The following EFTUD2 variants were observed in gnomAD, a reference collection of about 807,000 sequenced individuals.
The protein encoded by EFTUD2 is elongation factor Tu GTP binding domain containing 2.
Under a neutral mutation model 114.3 loss-of-function variants are expected in EFTUD2, and 9 were observed. The observed-to-expected ratio is 0.08, with a 90% CI of 0.05 to 0.14. EFTUD2 has a LOEUF of 0.14. Ranked by LOEUF, EFTUD2 falls within the 10% of genes least tolerant of loss-of-function variation. The pLI is 1.00. For synonymous variants in EFTUD2, 449 were observed against 462.3 expected (o/e 0.97, Z 0.37); for missense variants, 765 against 1,241.2 (o/e 0.62, Z 5.76).
chr17:44,867,773 A>G (rs748533251), intron 13 of EFTUD2, 34 bp downstream of exon 13: 19 of 1,500,642 alleles, frequency 1.3e-5, no homozygotes, highest in African/African-American at 5.6e-5. Context: ...TGCTTATAAG[A>G]GCAGATCTGC....
chr17:44,892,622 C>G (rs1208249543), intron 2 of EFTUD2, among the ~76,000 whole-genome samples: 1 of 148,150 alleles, frequency 6.7e-6, no homozygotes, highest in East Asian at 2.0e-4. Context: ...GAAAAACACA[C>G]TGTAAAACCT....
intron 20 of EFTUD2, among the ~76,000 whole-genome samples, chr17:44,855,430 G>A (rs1173634542): frequency 6.6e-6 from 1 of 151,606 alleles, no homozygotes; most frequent in Non-Finnish European, 1.5e-5. Flanking sequence ...GCGTGGTGGC[G>A]TGCGCTGGCA....
intron 4 of EFTUD2, among the ~76,000 whole-genome samples, chr17:44,884,604 A>T (rs1416197751): frequency 6.6e-6 from 1 of 151,958 alleles, no homozygotes; most frequent in Non-Finnish European, 1.5e-5. Flanking sequence ...CAAAATAAAG[A>T]GTTGAGGGCC....
rs2050440340 is a variant in EFTUD2, at chr17:44,851,158, C to G, written c.*116G>C. The G allele has an allele frequency of 1.2e-6, 1 of 836,906 alleles. No homozygotes were observed. Among genetic ancestry groups the G allele is most frequent in the Non-Finnish European group, 2.0e-6 (1 of 498,702 alleles). The allele number at this position is 836,906 out of a possible 1,614,324, so 51.8% of individuals were successfully genotyped here. ...GTTGGTGAGTTGTTCAAGATGGCAA[C>G]AGCAGCTTCCAGACACTCTCTGACA... On this transcript the variant is annotated 3_prime_UTR_variant, in exon 28 of 28. Transcript: ENST00000426333.
intron 1 of EFTUD2, 83 bp from the exon 2 acceptor site, chr17:44,894,608 CT>C: frequency 9.5e-7 from 1 of 1,057,872 alleles, no homozygotes; most frequent in Non-Finnish European, 1.5e-6. Context: ...TAGTCTTAGT[CT>C]TATGGTTGGC....
chr17:44,851,095 G>A lies in EFTUD2; in HGVS notation c.*179C>T, dbSNP rs2050439595. On this transcript the variant is annotated 3_prime_UTR_variant, in exon 28 of 28. Transcript: ENST00000426333. ...CAGAGGCCACAGAAGGAAGCAGGAG[G>A]CCAAATGCTCCTCTCTCACTGGGGC... is the stretch of plus-strand genomic sequence containing the variant. 1.7e-6 allele frequency: 1 copy of A among 587,048 alleles called. No individual in the cohort carries two copies. The highest frequency in any genetic ancestry group is 2.8e-5 in the East Asian group (1 of 35,548). The allele number at this position is 587,048 out of a possible 1,614,324, so 36.4% of individuals were successfully genotyped here.
At chr17:44,883,072 C>T in intron 6 of EFTUD2, 21 bp downstream of exon 6, 1 of 1,613,582 alleles carries the variant, frequency 6.2e-7, no homozygotes, top group South Asian at 1.1e-5. Flanking sequence ...ATCCTAAACC[C>T]TCAACAGAAG....
chr17:44,851,461 G>T, intron 27 of EFTUD2, 92 bp from the exon 28 acceptor site: 2 of 1,102,456 alleles, frequency 1.8e-6, no homozygotes, highest in Non-Finnish European at 1.4e-6. Flanking sequence ...GGGGAGGCTA[G>T]TGGTGGCTGG....
chr17:44,860,386 A>G (rs1383628393), intron 17 of EFTUD2, 46 bp downstream of exon 17: 1 of 1,324,676 alleles, frequency 7.5e-7, no homozygotes, highest in South Asian at 1.2e-5. Flanking sequence ...TGTCCCTGGG[A>G]CCATCTAGCT....
rs752850364 is a variant in EFTUD2, at chr17:44,867,878, C to G, written c.1078G>C (p.Ala360Pro). 6.2e-7 allele frequency: 1 copy of G among 1,601,286 alleles called. No homozygotes were observed. Among genetic ancestry groups the G allele is most frequent in the South Asian group, 1.1e-5 (1 of 88,520 alleles). Residue 360 changes from alanine to proline, a missense_variant, in exon 13 of 28, where the codon GCC becomes CCC. Ala to Pro is a conservative substitution (Grantham distance 27). Transcript: ENST00000426333. ...CTTCTCTGGGAGCTGCTAGTTGGGG[C>G]CTTTTTGGTGAACTTTCGCCTAAAA... ...NPKTRKFTKKAPTSSSQRSFV... is the reference protein window; with the variant it reads ...NPKTRKFTKKPPTSSSQRSFV...
chr17:44,870,430 G>C (rs1333818562), intron 11 of EFTUD2, among the ~76,000 whole-genome samples: 1 of 152,040 alleles, frequency 6.6e-6, no homozygotes, highest in Non-Finnish European at 1.5e-5. Flanking sequence ...CTAATAACAA[G>C]AAAATGGTCA....
chr17:44,881,758 G>A, intron 6 of EFTUD2, 36 bp from the exon 7 acceptor site: 1 of 1,607,250 alleles, frequency 6.2e-7, no homozygotes, highest in Non-Finnish European at 8.5e-7. Context: ...CACCTGAGTT[G>A]AGACTGCTCT....
At position 44,856,769 on chromosome 17, in the gene EFTUD2, A is replaced by C. The variant is rs962574917; in HGVS notation, c.2045+306T>G. On this transcript the variant is annotated intron_variant, in intron 20 of 27. Coordinates refer to ENST00000426333, the MANE Select transcript of EFTUD2 (RefSeq NM_004247.4). ...ACTCCAGCCTGTGTCAAAAAAAAAA[A>C]AAACAAAAAAACAAAAAGTGAGTAA... is the stretch of plus-strand genomic sequence containing the variant. Among the ~76,000 whole-genome samples, 8 of 151,840 alleles carry C rather than the reference A, an allele frequency of 5.3e-5. No individual in the cohort carries two copies. The South Asian group carries it at 6.2e-4, about 12-fold the overall frequency.
At chr17:44,869,574 C>G (rs928291060) in intron 11 of EFTUD2, among the ~76,000 whole-genome samples, 1 of 152,172 alleles carries the variant, frequency 6.6e-6, no homozygotes, top group African/African-American at 2.4e-5. Flanking sequence ...GCTCGGATTA[C>G]AGGCATGAGC....
intron 23 of EFTUD2, 87 bp from the exon 24 acceptor site, chr17:44,853,722 C>T (rs1375766301): frequency 1.3e-6 from 2 of 1,579,748 alleles, no homozygotes; most frequent in Admixed American, 3.5e-5. Flanking sequence ...TGCAACACTG[C>T]AGCTGTCTTG....
intron 16 of EFTUD2, among the ~76,000 whole-genome samples, chr17:44,861,352 G>A (rs2050655416): frequency 6.6e-6 from 1 of 151,086 alleles, no homozygotes; most frequent in Admixed American, 6.6e-5. Context: ...GGCTGAGGCA[G>A]GAGAATCGCT....
At chr17:44,871,422 C>T (rs2050852649) in intron 11 of EFTUD2, among the ~76,000 whole-genome samples, 1 of 151,906 alleles carries the variant, frequency 6.6e-6, no homozygotes, top group Admixed American at 6.6e-5. Context: ...TCACTGCAAG[C>T]TCTGCCTCCT....
intron 27 of EFTUD2, 30 bp from the exon 28 acceptor site, chr17:44,851,399 C>T: frequency 3.2e-6 from 5 of 1,574,994 alleles, no homozygotes; most frequent in Middle Eastern, 3.3e-4. Context: ...TATAAGAAAG[C>T]CCGAGGTGGT....
chr17:44,876,881 A>AAAAAAC (rs2050967463), intron 9 of EFTUD2, among the ~76,000 whole-genome samples: 4 of 145,644 alleles, frequency 2.7e-5, no homozygotes, highest in East Asian at 2.0e-4. Context: ...AAAAAAAAAA[A>AAAAAAC]CTACTCCCCA....
Sources: gnomAD v4.1 joint callset for allele counts (sites outside exome capture counted in the v4.1 genomes callset) on GRCh38, gnomAD v4.1.1 for gene constraint, MANE v1.5 for transcripts, NCBI Gene and HGNC (gene_info 2026-07-23, HGNC 2026-07-21) for gene names.